Variants in ADAM29 observed in about 807,000 individuals in gnomAD.
The protein encoded by ADAM29 is disintegrin and metalloproteinase domain-containing protein 29.
For synonymous variants in ADAM29, 367 were observed against 342.3 expected (o/e 1.07, Z -0.80); for missense variants, 969 against 1,001.8 (o/e 0.97, Z 0.44).
chr4:174,971,280 CCCTATACTTA>C (rs1361173816), intron 4 of ADAM29, among the ~76,000 whole-genome samples: 1 of 152,092 alleles, frequency 6.6e-6, no homozygotes, highest in African/African-American at 2.4e-5. Flanking sequence ...CTGTATCTGT[CCCTATACTTA>C]CCTTTATTGT....
In ADAM29 at chr4:174,931,033, A is replaced by G. The variant is rs1362690223; in HGVS notation, c.-403A>G. 7 of 152,228 alleles carry G rather than the reference A, an allele frequency of 4.6e-5. No homozygotes were observed. Among genetic ancestry groups the G allele is most frequent in the Admixed American group, 4.6e-4 (7 of 15,280 alleles). The allele number at this position is 152,228 out of a possible 1,614,324, so 9.4% of individuals were successfully genotyped here. Reference sequence around the variant, plus strand: ...CTGCAGTCTCACGAACTGTGAACAAAAACTGAAGTGAAAACTCATAGTGCA... The same window carrying G: ...CTGCAGTCTCACGAACTGTGAACAAGAACTGAAGTGAAAACTCATAGTGCA... On this transcript the variant is annotated 5_prime_UTR_variant, in exon 3 of 5. Transcript: ENST00000359240.
intron 4 of ADAM29, among the ~76,000 whole-genome samples, chr4:174,944,994 A>G (rs1744757923): frequency 6.6e-6 from 1 of 152,080 alleles, no homozygotes; most frequent in South Asian, 2.1e-4. Flanking sequence ...ATACATGTAC[A>G]TGTGTTTTTA....
intron 4 of ADAM29, among the ~76,000 whole-genome samples, chr4:174,962,078 C>G (rs1229628498): frequency 6.6e-6 from 1 of 152,086 alleles, no homozygotes; most frequent in Non-Finnish European, 1.5e-5. Flanking sequence ...GATATGTAAA[C>G]TTTTAAAGTA....
intron 4 of ADAM29, among the ~76,000 whole-genome samples, chr4:174,958,968 GAATTACCTAAA>G (rs927027468): frequency 7.2e-6 from 1 of 138,554 alleles, no homozygotes; most frequent in Non-Finnish European, 1.6e-5. Flanking sequence ...TTATATTCTT[GAATTACCTAAA>G]TGTATTATTA....
At chr4:174,930,139 A>G (rs772395264) in intron 2 of ADAM29, among the ~76,000 whole-genome samples, 4 of 152,104 alleles carry the variant, frequency 2.6e-5, no homozygotes, top group African/African-American at 2.4e-5. Context: ...CATGTTAGCC[A>G]GGATGGTCTC....
Position 174,976,027 on chromosome 4 carries a change from C to CA in ADAM29, c.506dup (p.Asn169LysfsTer2), listed in dbSNP as rs779883715. 2 of 1,612,700 alleles carry CA rather than the reference C, an allele frequency of 1.2e-6. No homozygotes were observed. The highest frequency in any genetic ancestry group is 2.2e-5 in the East Asian group (1 of 44,876). ...TTCAACCATGAGATCCGGATTTATG[C>CA]AAAATGAAATAACATGCCGAATGGA... On this transcript the variant is annotated frameshift_variant, in exon 5 of 5. Coordinates refer to ENST00000359240, the MANE Select transcript of ADAM29 (RefSeq NM_014269.4). LOFTEE classifies it low-confidence loss of function (END_TRUNC).
intron 4 of ADAM29, among the ~76,000 whole-genome samples, chr4:174,949,177 G>C (rs937755102): frequency 3.3e-5 from 5 of 152,088 alleles, no homozygotes; most frequent in Non-Finnish European, 7.4e-5. Flanking sequence ...GATGCCAGTA[G>C]ATGGAGGGGC....
intron 2 of ADAM29, among the ~76,000 whole-genome samples, chr4:174,926,978 G>A (rs949756564): frequency 3.3e-5 from 5 of 151,482 alleles, no homozygotes; most frequent in African/African-American, 1.2e-4. Flanking sequence ...ACATTCCACC[G>A]AAGAATATAC....
intron 2 of ADAM29, chr4:174,924,024 T>G (rs530942019): frequency 6.6e-6 from 1 of 152,338 alleles, no homozygotes; most frequent in African/African-American, 2.4e-5. Context: ...GGCAGTTGTC[T>G]TCATTTTCAG....
intron 4 of ADAM29, among the ~76,000 whole-genome samples, chr4:174,939,244 C>T (rs1161849392): frequency 2.0e-5 from 3 of 152,150 alleles, no homozygotes; most frequent in African/African-American, 7.2e-5. Flanking sequence ...GATCATAGTA[C>T]TCATAAAGAT....
chr4:174,928,052 A>T (rs1232261702), intron 2 of ADAM29, among the ~76,000 whole-genome samples: 1 of 152,160 alleles, frequency 6.6e-6, no homozygotes, highest in Non-Finnish European at 1.5e-5. Flanking sequence ...GCTTTCCTCC[A>T]GTCCTAGGAT....
chr4:174,945,700 A>AT (rs1171015931), intron 4 of ADAM29, among the ~76,000 whole-genome samples: 1 of 152,060 alleles, frequency 6.6e-6, no homozygotes, highest in Non-Finnish European at 1.5e-5. Flanking sequence ...CAGTTTCAAT[A>AT]TTATGCATGT....
At chr4:174,954,065 A>G (rs1259998167) in intron 4 of ADAM29, among the ~76,000 whole-genome samples, 2 of 152,108 alleles carry the variant, frequency 1.3e-5, no homozygotes, top group Non-Finnish European at 2.9e-5. Flanking sequence ...CTGCCATTAT[A>G]TAACTTTCCC....
At chr4:174,949,607 C>T (rs1745056753) in intron 4 of ADAM29, among the ~76,000 whole-genome samples, 1 of 151,868 alleles carries the variant, frequency 6.6e-6, no homozygotes, top group South Asian at 2.1e-4. Context: ...TTTGTGTCTT[C>T]CCTGTGTCCA....
At chr4:174,936,718 A>G (rs1335837623) in intron 3 of ADAM29, among the ~76,000 whole-genome samples, 3 of 151,946 alleles carry the variant, frequency 2.0e-5, no homozygotes. Flanking sequence ...ATTGAAGCAT[A>G]AAGTTCATGT....
intron 4 of ADAM29, among the ~76,000 whole-genome samples, chr4:174,940,851 G>T (rs1345791289): frequency 6.6e-6 from 1 of 152,102 alleles, no homozygotes; most frequent in Non-Finnish European, 1.5e-5. Flanking sequence ...AAATGATTAT[G>T]CATTCATAAC....
chr4:174,950,334 A>G (rs1445215366), intron 4 of ADAM29, among the ~76,000 whole-genome samples: 2 of 152,202 alleles, frequency 1.3e-5, no homozygotes, highest in African/African-American at 2.4e-5. Context: ...AAAGCATTCA[A>G]CACTAATCTT....
intron 4 of ADAM29, among the ~76,000 whole-genome samples, chr4:174,943,827 AAG>A (rs201197070): frequency 1.5e-3 from 127 of 87,070 alleles, no homozygotes; most frequent in Admixed American, 4.8e-3. Flanking sequence ...AAAAAAAAAA[AAG>A]GAAGTCGTTC....
intron 2 of ADAM29, among the ~76,000 whole-genome samples, chr4:174,923,541 A>G (rs1168742721): frequency 9.5e-4 from 133 of 140,058 alleles, no homozygotes; most frequent in Non-Finnish European, 1.6e-3. Context: ...ATATATATAT[A>G]TATATATATA....
Sources: allele counts gnomAD v4.1 joint callset (sites outside exome capture counted in the v4.1 genomes callset), GRCh38; gene constraint gnomAD v4.1.1; transcripts MANE v1.5; gene names NCBI Gene and HGNC (gene_info 2026-07-23, HGNC 2026-07-21).